GOLGA5: variants seen among roughly 807,000 people sequenced by gnomAD.
GOLGA5 encodes golgin A5, also known as golgin subfamily A member 5.
In GOLGA5, 50 loss-of-function variants were observed where a neutral mutation model predicts 93.5. That is an observed-to-expected ratio of 0.53 (90% CI 0.43 to 0.68). The LOEUF is 0.68. Among genes scored for constraint, GOLGA5 ranks in the 30% least tolerant of loss-of-function variants. The pLI is 0.00. For synonymous variants in GOLGA5, 312 were observed against 304.5 expected, an observed-to-expected ratio of 1.02 and a Z score of -0.26; for missense variants, 760 against 856.4, an observed-to-expected ratio of 0.89 and a Z score of 1.40.
chr14:92,838,703 C>CA (rs539588413), intron 12 of GOLGA5, among the ~76,000 whole-genome samples: 8 of 150,812 alleles, frequency 5.3e-5, no homozygotes, highest in East Asian at 1.9e-4. Context: ...GTGGGGAGTA[C>CA]AAAAAAAAAT....
At chr14:92,827,181 T>A (rs1885440967) in intron 9 of GOLGA5, among the ~76,000 whole-genome samples, 2 of 152,230 alleles carry the variant, frequency 1.3e-5, no homozygotes, top group Admixed American at 1.3e-4. Context: ...AAGCACACCT[T>A]GTTTTATTGC....
intron 2 of GOLGA5, among the ~76,000 whole-genome samples, chr14:92,804,903 C>T (rs901005965): frequency 2.0e-5 from 3 of 152,160 alleles, no homozygotes; most frequent in Non-Finnish European, 2.9e-5. Flanking sequence ...GCCTCAGCCT[C>T]CCAAAGTGCT....
At chr14:92,796,475 G>A (rs1346872926) in intron 1 of GOLGA5, among the ~76,000 whole-genome samples, 1 of 152,126 alleles carries the variant, frequency 6.6e-6, no homozygotes, top group East Asian at 1.9e-4. Context: ...CTTTCTGTAT[G>A]CCTGTTTGTG....
At chr14:92,820,611 T>C (rs1885297545) in intron 8 of GOLGA5, among the ~76,000 whole-genome samples, 1 of 152,202 alleles carries the variant, frequency 6.6e-6, no homozygotes, top group Admixed American at 6.5e-5. Context: ...CACGAGGCCA[T>C]ATCTCAGGCT....
In GOLGA5 at chr14:92,824,589, C is replaced by T. The variant is rs767567675; in HGVS notation, c.1664C>T (p.Thr555Ile). 3 of 1,605,154 alleles carry T rather than the reference C, an allele frequency of 1.9e-6. No homozygotes were observed. The East Asian group carries it at 6.7e-5, about 36-fold the overall frequency. ...GAAGATCTTTATCGAACAAAGAACA[C>T]ATTGCAAAGCAGAATTAAAGATCGA... is the stretch of plus-strand genomic sequence containing the variant. ...IEEDLYRTKN[T>I]LQSRIKDRDE... Residue 555 changes from threonine to isoleucine, a missense_variant, in exon 9 of 13, where the codon ACA (threonine) becomes ATA (isoleucine). Transcript: ENST00000163416.
intron 9 of GOLGA5, among the ~76,000 whole-genome samples, chr14:92,829,834 C>T (rs1056454698): frequency 3.3e-5 from 5 of 152,136 alleles, no homozygotes; most frequent in Admixed American, 6.5e-5. Flanking sequence ...GGAAATCTTT[C>T]GTGAAGGGAA....
chr14:92,828,406 G>C (rs965592284), intron 9 of GOLGA5, among the ~76,000 whole-genome samples: 3 of 152,152 alleles, frequency 2.0e-5, no homozygotes, highest in Non-Finnish European at 1.5e-5. Context: ...TTCACAGCAT[G>C]GTTTACTGAG....
chr14:92,795,033 G>T (rs372959572), intron 1 of GOLGA5, among the ~76,000 whole-genome samples: 49 of 152,330 alleles, frequency 3.2e-4, no homozygotes, highest in African/African-American at 1.2e-3. Flanking sequence ...CAGTTGCATG[G>T]TATGTTTTAA....
intron 2 of GOLGA5, among the ~76,000 whole-genome samples, chr14:92,804,655 C>CTTTTTTT (rs765326844): frequency 2.6e-5 from 3 of 114,314 alleles, no homozygotes; most frequent in Non-Finnish European, 5.6e-5. Context: ...TAATTTCTTT[C>CTTTTTTT]TTTTTTTTTT....
chr14:92,839,534 G>C lies in GOLGA5; in HGVS notation c.*88G>C. ...CAATTGCCTAAAATTTCTGAGAACA[G>C]TGCACAAGATTATTTTATCACTACA... On this transcript the variant is annotated 3_prime_UTR_variant, in exon 13 of 13. Transcript: ENST00000163416. 1.3e-6 allele frequency: 1 copy of C among 788,886 alleles called. No individual in the cohort carries two copies. Among genetic ancestry groups the C allele is most frequent in the Non-Finnish European group, 2.2e-6 (1 of 453,978 alleles). 48.9% of individuals were successfully genotyped at this position (788,886 alleles called of 1,614,324 possible). A position where few individuals can be genotyped will look rare whatever the true frequency, so the allele number is the denominator to read the frequency against.
rs1885566223 is a variant in GOLGA5, at chr14:92,833,212, A to G, written c.1810A>G (p.Met604Val). 1.2e-6 allele frequency: 2 copies of G among 1,611,930 alleles called. No individual in the cohort carries two copies. The highest frequency in any genetic ancestry group is 1.7e-5 in the Admixed American group (1 of 60,026). ...AGAGACTCTCATCCAGAAACAGACC[A>G]TGCTGGAGAGTCTCAGCACAGAAAA... The part of the protein sequence containing the change: ...LTETLIQKQT[M>V]LESLSTEKNS... Residue 604 changes from methionine (M) to valine (V), a missense_variant, in exon 10 of 13, where the codon ATG becomes GTG. Met to Val is a conservative substitution (Grantham distance 21, BLOSUM62 1). Transcript: ENST00000163416.
At chr14:92,832,855 C>T (rs1373262416) in intron 9 of GOLGA5, among the ~76,000 whole-genome samples, 2 of 152,138 alleles carry the variant, frequency 1.3e-5, no homozygotes, top group Non-Finnish European at 2.9e-5. Flanking sequence ...AGGAGTTTCA[C>T]AAAATTATAC....
At chr14:92,838,725 A>G (rs1173653068) in intron 12 of GOLGA5, among the ~76,000 whole-genome samples, 1 of 152,212 alleles carries the variant, frequency 6.6e-6, no homozygotes, top group African/African-American at 2.4e-5. Flanking sequence ...GAATGGCATC[A>G]GAAAGCATTC....
At chr14:92,826,025 G>A (rs1192439724) in intron 9 of GOLGA5, among the ~76,000 whole-genome samples, 1 of 151,570 alleles carries the variant, frequency 6.6e-6, no homozygotes, top group Non-Finnish European at 1.5e-5. Flanking sequence ...ATGGTGGCAC[G>A]TACCTGTAAG....
chr14:92,799,967 T>A (rs567059541), intron 2 of GOLGA5, among the ~76,000 whole-genome samples: 4 of 152,350 alleles, frequency 2.6e-5, no homozygotes, highest in African/African-American at 9.6e-5. Context: ...ATGTTATAGC[T>A]TCTTTCATTG....
intron 2 of GOLGA5, among the ~76,000 whole-genome samples, chr14:92,805,839 A>T (rs1884972930): frequency 6.6e-6 from 1 of 152,062 alleles, no homozygotes; most frequent in Non-Finnish European, 1.5e-5. Flanking sequence ...TATTATTTAG[A>T]TATATAGTTC....
chr14:92,817,005 G>A (rs959715485), intron 7 of GOLGA5, among the ~76,000 whole-genome samples: 6 of 150,754 alleles, frequency 4.0e-5, no homozygotes, highest in Non-Finnish European at 7.4e-5. Context: ...GCGTGATCTC[G>A]GCTCACTGCA....
chr14:92,809,476 A>G lies in GOLGA5; in HGVS notation c.949A>G (p.Thr317Ala). 1 of 1,613,840 alleles carries G rather than the reference A, an allele frequency of 6.2e-7. No individual in the cohort carries two copies. Among genetic ancestry groups the G allele is most frequent in the Non-Finnish European group, 8.5e-7 (1 of 1,179,746 alleles). Residue 317 changes from threonine to alanine, a missense_variant, in exon 4 of 13, where the codon ACT (threonine) becomes GCT (alanine). Transcript: ENST00000163416. ...CCAGGAAGCTGACCAGCTACTGAGT[A>G]CTCGCACAGAAGCATTAGAAGCCTT... is the stretch of plus-strand genomic sequence containing the variant. ...RLQEADQLLS[T>A]RTEALEALQS...
At chr14:92,837,768 T>G (rs187494506) in intron 12 of GOLGA5, among the ~76,000 whole-genome samples, 1 of 152,206 alleles carries the variant, frequency 6.6e-6, no homozygotes, top group East Asian at 1.9e-4. Flanking sequence ...TTCACCATGT[T>G]GCCCAGGATA....
Sources: allele counts gnomAD v4.1 joint callset (sites outside exome capture counted in the v4.1 genomes callset), GRCh38; gene constraint gnomAD v4.1.1; transcripts MANE v1.5; gene names NCBI Gene and HGNC (gene_info 2026-07-23, HGNC 2026-07-21).